The following ERAP1 variants were observed in gnomAD, a reference collection of about 807,000 sequenced individuals.
ERAP1 encodes the protein endoplasmic reticulum aminopeptidase 1, also known as adipocyte-derived leucine aminopeptidase.
Under a neutral mutation model 103.7 loss-of-function variants are expected in ERAP1, and 86 were observed. The observed-to-expected ratio is 0.83, with a 90% CI of 0.70 to 0.99. ERAP1 has a LOEUF of 0.99. Among genes scored for constraint, ERAP1 ranks in the 50% least tolerant of loss-of-function variants. The probability of loss-of-function intolerance (pLI) is 0.00; values close to 1 mark genes in which losing one functional copy is unlikely to be tolerated. For synonymous variants in ERAP1, 398 were observed against 402.4 expected (o/e 0.99, Z 0.13); for missense variants, 1,009 against 1,128.4 (o/e 0.89, Z 1.52).
chr5:96,794,020 A>C, intron 5 of ERAP1, 63 bp from the exon 6 acceptor site: 2 of 1,525,428 alleles, frequency 1.3e-6, no homozygotes, highest in Non-Finnish European at 1.8e-6. Context: ...CCAAACACTA[A>C]TCTTCAGAAT....
At chr5:96,843,479 C>A in the ERAP1 span, among the ~76,000 whole-genome samples, 1 of 152,156 alleles carries the variant, frequency 6.6e-6, no homozygotes, top group African/African-American at 2.4e-5. Context: ...AGGAGGGGAC[C>A]AGAGGTACTT....
chr5:96,887,811 G>A, the ERAP1 span, among the ~76,000 whole-genome samples: 1 of 152,146 alleles, frequency 6.6e-6, no homozygotes, highest in Non-Finnish European at 1.5e-5. Flanking sequence ...TTTTTAAAGA[G>A]TTATAAAATA....
chr5:96,909,221 C>A, the ERAP1 span: 1 of 1,110,374 alleles, frequency 9.0e-7, no homozygotes, highest in Non-Finnish European at 1.3e-6. Context: ...AAATCTGGAG[C>A]AGCTCGGGGG....
At chr5:96,833,786 G>A in the ERAP1 span, among the ~76,000 whole-genome samples, 1 of 125,108 alleles carries the variant, frequency 8.0e-6, no homozygotes, top group Non-Finnish European at 1.8e-5. Flanking sequence ...GACAGAGCAA[G>A]GCTCGGAAAA....
chr5:96,763,561 A>G (rs10515246), intron 19 of ERAP1, among the ~76,000 whole-genome samples: 15,143 of 152,294 alleles, frequency 0.099, 981 homozygotes, highest in Middle Eastern at 0.16. Context: ...AGGTTTTACA[A>G]TGACACTTCT....
the ERAP1 span, among the ~76,000 whole-genome samples, chr5:96,864,838 A>C: frequency 6.6e-6 from 1 of 152,112 alleles, no homozygotes; most frequent in African/African-American, 2.4e-5. Flanking sequence ...TGACTTATAT[A>C]TGTGTAAGTT....
the ERAP1 span, among the ~76,000 whole-genome samples, chr5:96,887,138 C>A: frequency 4.1e-5 from 6 of 147,420 alleles, no homozygotes; most frequent in Non-Finnish European, 6.0e-5. Context: ...TACATATATA[C>A]CCTTTGCAAA....
chr5:96,908,964 A>C, the ERAP1 span: 1 of 1,613,942 alleles, frequency 6.2e-7, no homozygotes, highest in Non-Finnish European at 8.5e-7. Context: ...ACTTCAGTGC[A>C]GGGAGACTGA....
At chr5:96,890,504 C>A in the ERAP1 span, among the ~76,000 whole-genome samples, 6 of 152,230 alleles carry the variant, frequency 3.9e-5, no homozygotes, top group South Asian at 1.2e-3. Context: ...GGTTAGGGAC[C>A]CCTGTTGTAG....
At chr5:96,801,059 G>T in intron 2 of ERAP1, 59 bp from the exon 3 acceptor site, 1 of 1,586,972 alleles carries the variant, frequency 6.3e-7, no homozygotes, top group Admixed American at 1.7e-5. Context: ...CTCTAAAACA[G>T]GTGTTTGCTT....
At chr5:96,807,285 A>T (rs1778733121) in intron 1 of ERAP1, among the ~76,000 whole-genome samples, 1 of 152,216 alleles carries the variant, frequency 6.6e-6, no homozygotes. Flanking sequence ...CAGGAGAAGC[A>T]GGGAGGGAAG....
intron 19 of ERAP1, chr5:96,768,483 G>A (rs1369021073): frequency 2.4e-6 from 1 of 420,006 alleles, no homozygotes; most frequent in Non-Finnish European, 4.6e-6. Context: ...CCCCAAAACA[G>A]TATTATTTTG....
chr5:96,889,336 T>G, the ERAP1 span: 8 of 1,613,080 alleles, frequency 5.0e-6, no homozygotes, highest in South Asian at 8.8e-5. Flanking sequence ...ATTGTCTTCA[T>G]TTTTGCTCAT....
At chr5:96,856,041 C>G in the ERAP1 span, among the ~76,000 whole-genome samples, 1 of 151,710 alleles carries the variant, frequency 6.6e-6, no homozygotes, top group Non-Finnish European at 1.5e-5. Context: ...TTGAGCAGGC[C>G]GGACACAGTG....
At chr5:96,763,707 C>T (rs1011790683) in intron 19 of ERAP1, among the ~76,000 whole-genome samples, 3 of 152,076 alleles carry the variant, frequency 2.0e-5, no homozygotes, top group African/African-American at 2.4e-5. Flanking sequence ...TGATAATTCA[C>T]GGGAGCTTTC....
the ERAP1 span, among the ~76,000 whole-genome samples, chr5:96,874,166 G>GAAAGAA: frequency 3.2e-5 from 3 of 93,742 alleles, no homozygotes; most frequent in Non-Finnish European, 6.5e-5. Context: ...AAGAAAGAAA[G>GAAAGAA]AAAGAAAGAA....
the ERAP1 span, among the ~76,000 whole-genome samples, chr5:96,891,924 T>G: frequency 6.6e-6 from 1 of 152,186 alleles, no homozygotes; most frequent in Non-Finnish European, 1.5e-5. Context: ...ATATTAGAAA[T>G]TATTTGATAC....
chr5:96,796,306 A>G (rs1777338292), intron 4 of ERAP1, among the ~76,000 whole-genome samples: 1 of 152,218 alleles, frequency 6.6e-6, no homozygotes, highest in Admixed American at 6.5e-5. Context: ...TACGGCACAC[A>G]GTTGAATAGG....
At chr5:96,834,327 C>T in the ERAP1 span, among the ~76,000 whole-genome samples, 1 of 152,172 alleles carries the variant, frequency 6.6e-6, no homozygotes, top group Non-Finnish European at 1.5e-5. Flanking sequence ...CTCCCACTTA[C>T]TATTTGTTAG....
Sources: allele counts gnomAD v4.1 joint callset (sites outside exome capture counted in the v4.1 genomes callset), GRCh38; gene constraint gnomAD v4.1.1; transcripts MANE v1.5; gene names NCBI Gene and HGNC (gene_info 2026-07-23, HGNC 2026-07-21).